Variants in STAB1 observed in about 807,000 individuals in gnomAD.
The protein encoded by STAB1 is stabilin 1.
A neutral mutation model predicts 332.4 loss-of-function variants in STAB1; 250 were observed. The observed-to-expected ratio is 0.75, with a 90% CI of 0.68 to 0.84. The LOEUF is 0.84. STAB1 is among the 40% of genes least tolerant of loss of function. The pLI, the probability that STAB1 is intolerant of heterozygous loss-of-function variation, is 0.00. For synonymous variants in STAB1, 1,475 were observed against 1,390.4 expected (o/e 1.06, Z -1.35); for missense variants, 3,249 against 3,489.7 (o/e 0.93, Z 1.74).
chr3:52,512,332 C>G lies in STAB1; in HGVS notation c.2884-9C>G. ...TCTGAATGGAGGCCCTTTCTCACTCCCACCCCAGGCCACCTGCCGGGCAGT... is the reference window on the plus strand; with the variant it reads ...TCTGAATGGAGGCCCTTTCTCACTCGCACCCCAGGCCACCTGCCGGGCAGT... On this transcript the variant is annotated splice_polypyrimidine_tract_variant and intron_variant, in intron 26 of 68. Transcript: ENST00000321725. 1 of 1,612,244 alleles carries G rather than the reference C, an allele frequency of 6.2e-7. No homozygotes were observed. Among genetic ancestry groups the G allele is most frequent in the East Asian group, 2.2e-5 (1 of 44,834 alleles).
At position 52,517,387 on chromosome 3, in the gene STAB1, C is replaced by G. The variant is rs750018651; in HGVS notation, c.4557C>G (p.Pro1519=). The change falls in exon 43 of 69, where the codon CCC becomes CCG. Residue 1519 remains proline (P), a synonymous_variant. Coordinates refer to ENST00000321725, the MANE Select transcript of STAB1 (RefSeq NM_015136.3). Reference sequence around the variant, plus strand: ...ACGCCGAGTGCATCCCCACTGGCCCCCAGCAGGTCAGCATGGCAGGGTTGG... The same window carrying G: ...ACGCCGAGTGCATCCCCACTGGCCCGCAGCAGGTCAGCATGGCAGGGTTGG... The part of the protein sequence containing the change: ...HIHAECIPTG[P]QQVSCSCREG... 1.1e-5 allele frequency: 17 copies of G among 1,603,248 alleles called. No individual in the cohort carries two copies. The highest frequency in any genetic ancestry group is 3.4e-5 in the Admixed American group (2 of 58,206).
chr3:52,520,792 C>T lies in STAB1; in HGVS notation c.5707-12C>T, dbSNP rs555088720. 1.2e-6 allele frequency: 2 copies of T among 1,612,780 alleles called. No homozygotes were observed. ...AGAACCACCCAACTGCGGCCTGACT[C>T]CTTTGGCCCAGGGCAGCCCTGAGGC... On this transcript the variant is annotated splice_polypyrimidine_tract_variant and intron_variant, in intron 54 of 68. Transcript: ENST00000321725.
rs1353879769 is a variant in STAB1 at position 52,513,702 on chromosome 3, G to T, written c.3271-15G>T. 6 of 1,611,250 alleles carry T rather than the reference G, an allele frequency of 3.7e-6. No individual in the cohort carries two copies. Among genetic ancestry groups the T allele is most frequent in the Non-Finnish European group, 4.2e-6 (5 of 1,179,422 alleles). Reference sequence around the variant, plus strand: ...CTGTGCCCACCTGTGGCTAAGCTCTGCTGCTGCCTTCCAGAGGGTCTGGGT... The same window carrying T: ...CTGTGCCCACCTGTGGCTAAGCTCTTCTGCTGCCTTCCAGAGGGTCTGGGT... On this transcript the variant is annotated splice_polypyrimidine_tract_variant and intron_variant, in intron 30 of 68. Coordinates refer to ENST00000321725, the MANE Select transcript of STAB1 (RefSeq NM_015136.3).
Position 52,516,595 on chromosome 3 carries a change from G to A in STAB1, c.4286+8G>A, listed in dbSNP as rs745437224. The A allele has an allele frequency of 9.9e-6, 16 of 1,612,782 alleles. No homozygotes were observed. The highest frequency in any genetic ancestry group is 1.2e-5 in the Non-Finnish European group (14 of 1,180,002). On this transcript the variant is annotated splice_region_variant and intron_variant, in intron 40 of 68. Coordinates refer to ENST00000321725, the MANE Select transcript of STAB1 (RefSeq NM_015136.3). ...GTGCGACCCCAATGCCAAGTGAGTG[G>A]GCCCAGCCTGGGGCGGGTGGGTGAG...
At chr3:52,518,196 G>A (rs1339062280) in intron 45 of STAB1, 116 bp from the exon 46 acceptor site, 16 of 1,546,100 alleles carry the variant, frequency 1.0e-5, no homozygotes, top group African/African-American at 4.1e-5. Flanking sequence ...CTCAGACCCC[G>A]CGGCTTTCCT....
At chr3:52,506,285 C>T in intron 17 of STAB1, 35 bp downstream of exon 17, 7 of 1,575,178 alleles carry the variant, frequency 4.4e-6, no homozygotes, top group Non-Finnish European at 6.1e-6. Flanking sequence ...GATGGTGGGG[C>T]TGGCGGTGAC....
chr3:52,516,850 C>T (rs1371038588), intron 41 of STAB1, 82 bp downstream of exon 41: 3 of 1,595,174 alleles, frequency 1.9e-6, no homozygotes, highest in South Asian at 1.1e-5. Context: ...TTCCTCTAGG[C>T]CCAGCCCCCC....
At position 52,523,684 on chromosome 3, in the gene STAB1, T is replaced by C; in HGVS notation, c.7323T>C (p.Ile2441=). The C allele has an allele frequency of 3.1e-6, 5 of 1,612,112 alleles. No individual in the cohort carries two copies. The highest frequency in any genetic ancestry group is 4.2e-6 in the Non-Finnish European group (5 of 1,179,272). Reference sequence around the variant, plus strand: ...GGACAGTTGTGGTTAGCCGTATCATTGTGTGGGACATCATGGCCTTCAATG... The same window carrying C: ...GGACAGTTGTGGTTAGCCGTATCATCGTGTGGGACATCATGGCCTTCAATG... ...APGTVVVSRI[I]VWDIMAFNGI... is the part of the protein sequence containing the mutation. The change falls in exon 66 of 69, where the codon ATT becomes ATC. Residue 2441 remains isoleucine (I), a synonymous_variant. Transcript: ENST00000321725.
intron 42 of STAB1, 98 bp from the exon 43 acceptor site, chr3:52,517,222 C>G: frequency 7.0e-7 from 1 of 1,428,546 alleles, no homozygotes; most frequent in Non-Finnish European, 9.4e-7. Flanking sequence ...GGACTGGGGG[C>G]GCTGAGAGAG....
chr3:52,504,428 T>A (rs1302012872), intron 10 of STAB1, 33 bp from the exon 11 acceptor site: 1 of 1,608,494 alleles, frequency 6.2e-7, no homozygotes, highest in South Asian at 1.1e-5. Context: ...TCTCCCCAGC[T>A]CCCTTCTGAT....
rs997282278 is a variant in STAB1, at chr3:52,507,957, C to T, written c.2079C>T (p.Tyr693=). 7 of 1,613,562 alleles carry T rather than the reference C, an allele frequency of 4.3e-6. No homozygotes were observed. In the African/African-American group the frequency reaches 8.0e-5, roughly 18 times the overall value. ...KLDIFPKECV[Y]IHDPTGLNVL... ...ACATCTTCCCCAAGGAGTGTGTCTA[C>T]ATCCATGACCCAACGGGGCTCAATG... The change falls in exon 20 of 69, where the codon TAC becomes TAT. Residue 693 remains tyrosine (Y), a synonymous_variant. Transcript: ENST00000321725.
In STAB1 at chr3:52,501,307, G is replaced by A. The variant is rs369678723; in HGVS notation, c.215+5G>A. 9 of 1,612,342 alleles carry A rather than the reference G, an allele frequency of 5.6e-6. No homozygotes were observed. The highest frequency in any genetic ancestry group is 2.2e-5 in the East Asian group (1 of 44,872). ...TCAGATAACCCAGGACTGCCGGTGC[G>A]GGCCACCCCTGTCCTTGCCTGTGTC... On this transcript the variant is annotated splice_donor_5th_base_variant and intron_variant, in intron 2 of 68. Coordinates refer to ENST00000321725, the MANE Select transcript of STAB1 (RefSeq NM_015136.3).
Position 52,516,121 on chromosome 3 carries a change from C to T in STAB1, c.4027C>T (p.His1343Tyr), listed in dbSNP as rs761084747. Residue 1343 changes from histidine (H) to tyrosine (Y), a missense_variant, in exon 38 of 69, where the codon CAT becomes TAT. By Grantham distance (83) the His-to-Tyr change is moderately conservative. Transcript: ENST00000321725. The part of the protein sequence containing the change: ...PGGLGGVCSG[H>Y]GQCQDRFLGS... ...GGGTCTAGGGGGGGTGTGCTCAGGC[C>T]ATGGGCAGTGCCAGGACAGGTTCCT... 1.6e-5 allele frequency: 26 copies of T among 1,611,734 alleles called. No individual in the cohort carries two copies. The highest frequency in any genetic ancestry group is 3.3e-4 in the Middle Eastern group (2 of 6,062).
In STAB1 at chr3:52,515,022, T is replaced by C; in HGVS notation, c.3841T>C (p.Cys1281Arg). The change falls in exon 36 of 69, where the codon TGC (cysteine) becomes CGC (arginine). Residue 1281 changes from cysteine (C) to arginine (R), a missense_variant. Transcript: ENST00000321725. The part of the protein sequence containing the change: ...KCVNCTRRFR[C>R]TQGFQLQDTP... ...TGTAAACTGCACCAGGAGATTCCGC[T>C]GCACTCAGGGCTTCCAGCTGCAGGT... The C allele has an allele frequency of 6.2e-7, 1 of 1,613,568 alleles. No individual in the cohort carries two copies. Among genetic ancestry groups the C allele is most frequent in the Non-Finnish European group, 8.5e-7 (1 of 1,180,010 alleles).
In STAB1 at chr3:52,522,597, C is replaced by T. The variant is rs771426561; in HGVS notation, c.6653C>T (p.Pro2218Leu). ...TTCCACCTCCAGGCCACCAGCGGCC[C>T]TTATGGTCTGAACTTTTCGGAGGCT... ...GVFHLQATSG[P>L]YGLNFSEAEA... The change falls in exon 61 of 69, where the codon CCT becomes CTT. Residue 2218 changes from proline (P) to leucine (L), a missense_variant. Transcript: ENST00000321725. 21 of 1,612,918 alleles carry T rather than the reference C, an allele frequency of 1.3e-5. No individual in the cohort carries two copies. The Admixed American group carries it at 3.3e-4, about 26-fold the overall frequency.
intron 6 of STAB1, 128 bp from the exon 7 acceptor site, chr3:52,502,871 C>T: frequency 8.2e-7 from 1 of 1,216,074 alleles, no homozygotes; most frequent in East Asian, 2.6e-5. Flanking sequence ...CTGAGACCTC[C>T]ACTGTCCAGA....
In STAB1 at chr3:52,510,197, C is replaced by G; in HGVS notation, c.2590C>G (p.Pro864Ala). 6.2e-7 allele frequency: 1 copy of G among 1,614,060 alleles called. No homozygotes were observed. The highest frequency in any genetic ancestry group is 8.5e-7 in the Non-Finnish European group (1 of 1,180,036). ...GDGFSCTPSN[P>A]CSHPDRGGCS... ...TGGCTTCTCCTGCACACCTAGCAAC[C>G]CCTGCTCCCACCCGGACCGTGGAGG... is the stretch of plus-strand genomic sequence containing the variant. Residue 864 changes from proline (P) to alanine (A), a missense_variant, in exon 24 of 69, where the codon CCC becomes GCC. Transcript: ENST00000321725.
chr3:52,518,029 G>A (rs748944409), intron 45 of STAB1, 26 bp downstream of exon 45: 3 of 1,590,508 alleles, frequency 1.9e-6, no homozygotes, highest in Non-Finnish European at 2.6e-6. Context: ...TCAGACCCCT[G>A]ATCTGGTCTT....
At position 52,506,855 on chromosome 3, in the gene STAB1, G is replaced by A. The variant is rs748572662; in HGVS notation, c.1989+5G>A. 1.9e-6 allele frequency: 3 copies of A among 1,612,484 alleles called. No individual in the cohort carries two copies. The highest frequency in any genetic ancestry group is 1.1e-5 in the South Asian group (1 of 91,030). Reference sequence around the variant, plus strand: ...GAGCAGCACAAGATTGTGGCGGTGAGCCTCGCCTGCACGGCCAGGGCCCTA... The same window carrying A: ...GAGCAGCACAAGATTGTGGCGGTGAACCTCGCCTGCACGGCCAGGGCCCTA... On this transcript the variant is annotated splice_donor_5th_base_variant and intron_variant, in intron 18 of 68. Transcript: ENST00000321725.
Sources: gnomAD v4.1 joint callset for allele counts on GRCh38, gnomAD v4.1.1 for gene constraint, MANE v1.5 for transcripts, NCBI Gene and HGNC (gene_info 2026-07-23, HGNC 2026-07-21) for gene names.